The following MYBL2 variants were observed in gnomAD, a reference collection of about 807,000 sequenced individuals.
MYBL2 encodes MYB proto-oncogene like 2, also known as myb-related protein B.
In MYBL2, 28 loss-of-function variants were observed where a neutral mutation model predicts 79.9. The observed-to-expected ratio is 0.35, with a 90% CI of 0.26 to 0.48. The LOEUF (loss-of-function observed/expected upper bound fraction) is 0.48. Among genes scored for constraint, MYBL2 ranks in the 20% least tolerant of loss-of-function variants. The pLI, the probability that MYBL2 is intolerant of heterozygous loss-of-function variation, is 0.99. For synonymous variants in MYBL2, 378 were observed against 361.2 expected, an observed-to-expected ratio of 1.05 and a Z score of -0.53; for missense variants, 735 against 893.9, an observed-to-expected ratio of 0.82 and a Z score of 2.27.
At chr20:43,676,808 C>G (rs1442844841) in intron 2 of MYBL2, among the ~76,000 whole-genome samples, 1 of 150,918 alleles carries the variant, frequency 6.6e-6, no homozygotes. Flanking sequence ...TTCAGTTCTT[C>G]AGTGTTTTTT....
rs1469882449 is a variant in MYBL2 at position 43,705,492 on chromosome 20, CCT to C, written c.1505+138_1505+139del. ...ACACTGAAGACTGTTTTAAGAAAGC[CCT>C]CTCCTTTCTGGCCACCACGATTTAT... On this transcript the variant is annotated intron_variant, in intron 9 of 13. Transcript: ENST00000217026. 3.8e-6 allele frequency: 4 copies of C among 1,059,960 alleles called. No individual in the cohort carries two copies. The South Asian group carries it at 7.7e-5, about 20-fold the overall frequency. 65.7% of individuals were successfully genotyped at this position (1,059,960 alleles called of 1,614,324 possible). A position where few individuals can be genotyped will look rare whatever the true frequency, so the allele number is the denominator to read the frequency against.
At chr20:43,673,551 C>T (rs572439617) in intron 1 of MYBL2, 247 of 530,826 alleles carry the variant, frequency 4.7e-4, no homozygotes, top group Admixed American at 4.5e-4. Context: ...GCGGGACGAT[C>T]ATTTGAGTCC....
intron 6 of MYBL2, among the ~76,000 whole-genome samples, chr20:43,695,578 A>G (rs3091248): frequency 0.88 from 133,340 of 152,116 alleles, 58,772 homozygotes; most frequent in South Asian, 0.93. Context: ...TTGGCTGAGT[A>G]TGGTGGCTCA....
intron 10 of MYBL2, among the ~76,000 whole-genome samples, chr20:43,710,953 G>A (rs1448641787): frequency 6.6e-6 from 1 of 152,112 alleles, no homozygotes; most frequent in Non-Finnish European, 1.5e-5. Flanking sequence ...GGGGCTTTTC[G>A]GATGACTTAT....
chr20:43,696,119 C>T (rs1034241487), intron 6 of MYBL2, among the ~76,000 whole-genome samples: 9 of 152,194 alleles, frequency 5.9e-5, no homozygotes, highest in Admixed American at 5.2e-4. Flanking sequence ...CTTCTCCACT[C>T]ACTGGTCAGT....
Position 43,710,044 on chromosome 20 carries a change from C to T in MYBL2, c.1587C>T (p.Tyr529=), listed in dbSNP as rs768925904. Residue 529 remains tyrosine (Y), a synonymous_variant, in exon 10 of 14, where the codon TAC becomes TAT. Coordinates refer to ENST00000217026, the MANE Select transcript of MYBL2 (RefSeq NM_002466.4). ...PTPFKNALEK[Y]GPLKPLPQTP... Reference sequence around the variant, plus strand: ...CGTTCAAGAACGCCCTGGAGAAGTACGGACCCCTGAAGCCCCTGGTACGTG... The same window carrying T: ...CGTTCAAGAACGCCCTGGAGAAGTATGGACCCCTGAAGCCCCTGGTACGTG... 12 of 1,606,666 alleles carry T rather than the reference C, an allele frequency of 7.5e-6. No individual in the cohort carries two copies. Among genetic ancestry groups the T allele is most frequent in the African/African-American group, 1.3e-5 (1 of 74,870 alleles).
At chr20:43,682,110 G>C (rs1226534684) in intron 3 of MYBL2, among the ~76,000 whole-genome samples, 1 of 152,242 alleles carries the variant, frequency 6.6e-6, no homozygotes, top group Non-Finnish European at 1.5e-5. Context: ...TTTGCAGCAT[G>C]TGGTGCATAT....
At chr20:43,697,864 G>A (rs1437196340) in intron 6 of MYBL2, among the ~76,000 whole-genome samples, 2 of 149,868 alleles carry the variant, frequency 1.3e-5, no homozygotes, top group African/African-American at 4.9e-5. Context: ...GCAGTGAGCC[G>A]AGATCGCGCC....
chr20:43,682,896 G>A lies in MYBL2; in HGVS notation c.279+10G>A. Reference sequence around the variant, plus strand: ...AGAGGAAGACCAAAAAGTAACTGCTGGGACAGTGCCTTGCACACAGTGGGT... The same window carrying A: ...AGAGGAAGACCAAAAAGTAACTGCTAGGACAGTGCCTTGCACACAGTGGGT... On this transcript the variant is annotated intron_variant, in intron 4 of 13. Coordinates refer to ENST00000217026, the MANE Select transcript of MYBL2 (RefSeq NM_002466.4). 6.2e-7 allele frequency: 1 copy of A among 1,612,308 alleles called. No homozygotes were observed. Among genetic ancestry groups the A allele is most frequent in the Non-Finnish European group, 8.5e-7 (1 of 1,178,450 alleles).
At chr20:43,694,619 A>T (rs963454033) in intron 6 of MYBL2, among the ~76,000 whole-genome samples, 1 of 152,226 alleles carries the variant, frequency 6.6e-6, no homozygotes, top group Non-Finnish European at 1.5e-5. Flanking sequence ...TTTAGAGAAT[A>T]TCTCTCGATT....
In MYBL2 at chr20:43,687,837, G is replaced by A. The variant is rs1039503080; in HGVS notation, c.500+765G>A. Among the ~76,000 whole-genome samples the A allele has an allele frequency of 1.2e-3, 175 of 152,060 alleles. 3 individuals are homozygous for A. The highest frequency in any genetic ancestry group is 5.9e-4 in the Admixed American group (9 of 15,266). ...TCGAGACCAGCCTGGCCAACACAGT[G>A]AAGCCTCATCTCTACTAAAAATACA... is the stretch of plus-strand genomic sequence containing the variant. On this transcript the variant is annotated intron_variant, in intron 5 of 13. Transcript: ENST00000217026.
chr20:43,678,861 A>G (rs1987077088), intron 2 of MYBL2, among the ~76,000 whole-genome samples: 3 of 116,854 alleles, frequency 2.6e-5, no homozygotes, highest in Non-Finnish European at 4.9e-5. Flanking sequence ...CCGTCTCAAA[A>G]AAAAAAAAAA....
At chr20:43,711,636 G>A in intron 11 of MYBL2, 35 bp downstream of exon 11, 1 of 1,576,842 alleles carries the variant, frequency 6.3e-7, no homozygotes. Flanking sequence ...CCTGGGCAGG[G>A]GGAATTGGAG....
intron 5 of MYBL2, among the ~76,000 whole-genome samples, chr20:43,690,363 G>C (rs571330508): frequency 1.3e-5 from 2 of 152,008 alleles, no homozygotes; most frequent in Non-Finnish European, 2.9e-5. Context: ...GCACCACCAC[G>C]CCTGGCTAAT....
rs778922160 is a variant in MYBL2, at chr20:43,711,582, A to T, written c.1700A>T (p.Lys567Met). ...ATCGAGGACGACATCAGGCCCGAGA[A>T]GCAGAAGAGGAAGCCTGGGGTGAGT... is the stretch of plus-strand genomic sequence containing the variant. ...LIIEDDIRPE[K>M]QKRKPGLRRS... Residue 567 changes from lysine to methionine, a missense_variant, in exon 11 of 14, where the codon AAG becomes ATG. Physicochemically the swap from Lys to Met is moderately conservative, Grantham distance 95. Transcript: ENST00000217026. 1 of 1,613,160 alleles carries T rather than the reference A, an allele frequency of 6.2e-7. No individual in the cohort carries two copies. Among genetic ancestry groups the T allele is most frequent in the Non-Finnish European group, 8.5e-7 (1 of 1,179,550 alleles).
intron 5 of MYBL2, among the ~76,000 whole-genome samples, chr20:43,690,205 T>C (rs77452108): frequency 6.7e-6 from 1 of 150,156 alleles, no homozygotes; most frequent in African/African-American, 2.5e-5. Flanking sequence ...TTTTTTTTTT[T>C]GTTTGTTTTT....
rs1987706098 is a variant in MYBL2, at chr20:43,702,893, C to T, written c.1355C>T (p.Ser452Leu). The change falls in exon 8 of 14, where the codon TCG becomes TTG. Residue 452 changes from serine (S) to leucine (L), a missense_variant. Transcript: ENST00000217026. The part of the protein sequence containing the change: ...KSTPVKTLPF[S>L]PSQFLNFWNK... Reference sequence around the variant, plus strand: ...ACACCTGTTAAGACCCTGCCCTTCTCGCCCTCCCAGGTGCGTGGACCCCAC... The same window carrying T: ...ACACCTGTTAAGACCCTGCCCTTCTTGCCCTCCCAGGTGCGTGGACCCCAC... The T allele has an allele frequency of 6.3e-7, 1 of 1,591,080 alleles. No homozygotes were observed. The highest frequency in any genetic ancestry group is 8.6e-7 in the Non-Finnish European group (1 of 1,162,624).
intron 12 of MYBL2, among the ~76,000 whole-genome samples, 165 bp from the exon 13 acceptor site, chr20:43,714,969 T>C (rs544781502): frequency 6.6e-6 from 1 of 152,360 alleles, no homozygotes; most frequent in Admixed American, 6.5e-5. Flanking sequence ...CTTAAGCTCA[T>C]GTAAACTCCC....
rs1404021815 is a variant in MYBL2 at position 43,667,205 on chromosome 20, C to T, written c.-79C>T. The T allele has an allele frequency of 2.9e-5, 31 of 1,073,362 alleles. No individual in the cohort carries two copies. The highest frequency in any genetic ancestry group is 3.4e-5 in the Non-Finnish European group (29 of 861,280). The allele number at this position is 1,073,362 out of a possible 1,614,324, so 66.5% of individuals were successfully genotyped here. ...GGGGCCCGGAGCGGCCGGAGCAGCC[C>T]GGGTCCTGACCCCGGCCCGGCTCCC... On this transcript the variant is annotated 5_prime_UTR_variant, in exon 1 of 14. Coordinates refer to ENST00000217026, the MANE Select transcript of MYBL2 (RefSeq NM_002466.4).
Sources: allele counts gnomAD v4.1 joint callset (sites outside exome capture counted in the v4.1 genomes callset), GRCh38; gene constraint gnomAD v4.1.1; transcripts MANE v1.5; gene names NCBI Gene and HGNC (gene_info 2026-07-23, HGNC 2026-07-21).